LTA4H: variants seen among roughly 807,000 people sequenced by gnomAD.
LTA4H encodes the protein leukotriene A-4 hydrolase.
In LTA4H, 59 loss-of-function variants were observed where a neutral mutation model predicts 89.8. The ratio of observed to expected loss-of-function variants is 0.66; its 90% CI spans 0.53 to 0.82. LTA4H has a LOEUF of 0.82. LTA4H is among the 40% of genes least tolerant of loss of function. LTA4H has a pLI of 0.00. For synonymous variants in LTA4H, 227 were observed against 253.1 expected (o/e 0.90, Z 0.98); for missense variants, 617 against 727.0 (o/e 0.85, Z 1.74).
intron 15 of LTA4H, 142 bp from the exon 16 acceptor site, chr12:96,006,551 C>A: frequency 1.9e-6 from 1 of 525,122 alleles, no homozygotes; most frequent in Non-Finnish European, 3.4e-6. Flanking sequence ...GCCTGAGTTA[C>A]TTAAATAATC....
At chr12:96,026,758 T>A (rs912932790) in intron 3 of LTA4H, among the ~76,000 whole-genome samples, 1 of 152,106 alleles carries the variant, frequency 6.6e-6, no homozygotes, top group African/African-American at 2.4e-5. Context: ...GAGCAAACGT[T>A]TAATGAAGTC....
At chr12:96,041,986 CT>C (rs145401712) in intron 1 of LTA4H, among the ~76,000 whole-genome samples, 3,524 of 109,870 alleles carry the variant, frequency 0.032, 94 homozygotes, top group African/African-American at 0.11. Context: ...GTTTTTTTTT[CT>C]TTTTTTTTTT....
intron 5 of LTA4H, among the ~76,000 whole-genome samples, chr12:96,021,488 CT>C (rs1344831164): frequency 6.6e-6 from 1 of 152,096 alleles, no homozygotes; most frequent in Non-Finnish European, 1.5e-5. Context: ...CTTTTTCCTC[CT>C]GACTTTTAAA....
intron 18 of LTA4H, among the ~76,000 whole-genome samples, chr12:96,002,152 C>T (rs769963178): frequency 6.6e-6 from 1 of 152,136 alleles, no homozygotes; most frequent in Non-Finnish European, 1.5e-5. Flanking sequence ...CCACCGCGCC[C>T]GGCCCAAGTA....
chr12:96,027,528 G>A lies in LTA4H; in HGVS notation c.327C>T (p.Thr109=), dbSNP rs757233463. The change falls in exon 3 of 19, where the codon ACC becomes ACT. Residue 109 remains threonine, a synonymous_variant. Coordinates refer to ENST00000228740, the MANE Select transcript of LTA4H (RefSeq NM_000895.3). ...ACTGGAGAGCAGAAGATTTTGGAGA[G>A]GTCTCAAAAGAAATTTCTATAACAA... The part of the protein sequence containing the change: ...QEIVIEISFE[T]SPKSSALQWL... The A allele has an allele frequency of 5.6e-6, 9 of 1,599,666 alleles. No individual in the cohort carries two copies. The highest frequency in any genetic ancestry group is 7.7e-6 in the Non-Finnish European group (9 of 1,168,296).
intron 1 of LTA4H, among the ~76,000 whole-genome samples, chr12:96,029,912 G>C (rs919079243): frequency 3.3e-5 from 5 of 152,056 alleles, no homozygotes; most frequent in African/African-American, 9.7e-5. Context: ...AATTCTACTT[G>C]ATGGATCTAC....
chr12:96,036,116 T>A (rs931784824), upstream of LTA4H, among the ~76,000 whole-genome samples: 1 of 151,800 alleles, frequency 6.6e-6, no homozygotes, highest in Non-Finnish European at 1.5e-5. Context: ...TTTTTGTTTT[T>A]AGCTGTAAGT....
chr12:96,016,695 G>A (rs977997741), intron 10 of LTA4H, among the ~76,000 whole-genome samples: 5 of 151,890 alleles, frequency 3.3e-5, no homozygotes, highest in African/African-American at 1.2e-4. Context: ...GAGCTCAGGA[G>A]TTCGAGACCA....
rs1356651232 is a variant in LTA4H, at chr12:96,003,860, T to A, written c.1591A>T (p.Asn531Tyr). Residue 531 changes from asparagine to tyrosine, a missense_variant, in exon 17 of 19, where the codon AAC becomes TAC. By Grantham distance (143) the Asn-to-Tyr change is moderately radical. Around this residue, in one of 3 missense-constraint regions of LTA4H, gnomAD observed 290 missense variants for 339.1 expected, o/e 0.86. Coordinates refer to ENST00000228740, the MANE Select transcript of LTA4H (RefSeq NM_000895.3). ...MQEVYNFNAINNSEIRFRWLR... is the reference protein window; with the variant it reads ...MQEVYNFNAIYNSEIRFRWLR... ...TACCTGAATCGTATTTCAGAATTGT[T>A]AATGGCATTGAAGTTGTACACCTCT... 6.2e-7 allele frequency: 1 copy of A among 1,609,994 alleles called. No homozygotes were observed.
chr12:96,035,818 C>T (rs1269458410), upstream of LTA4H, among the ~76,000 whole-genome samples: 1 of 151,688 alleles, frequency 6.6e-6, no homozygotes, highest in Non-Finnish European at 1.5e-5. Flanking sequence ...GGAGTAGGGG[C>T]AGTTAGAAGG....
intron 18 of LTA4H, 55 bp downstream of exon 18, chr12:96,002,905 A>G: frequency 8.7e-7 from 1 of 1,150,186 alleles, no homozygotes; most frequent in East Asian, 2.5e-5. Flanking sequence ...AATATTTGAC[A>G]GTTTTCTTCC....
chr12:96,032,596 T>C (rs1950587696), intron 1 of LTA4H, among the ~76,000 whole-genome samples: 1 of 152,198 alleles, frequency 6.6e-6, no homozygotes, highest in Admixed American at 6.5e-5. Context: ...AATTAACTAA[T>C]TAATAAGGAT....
intron 15 of LTA4H, among the ~76,000 whole-genome samples, chr12:96,007,118 A>C (rs538439411): frequency 6.6e-6 from 1 of 152,340 alleles, no homozygotes; most frequent in African/African-American, 2.4e-5. Flanking sequence ...CCCTGTCTCC[A>C]AGTACTACTC....
In LTA4H at chr12:96,002,385, A is replaced by C. The variant is rs1218629812; in HGVS notation, c.1718+575T>G. On this transcript the variant is annotated intron_variant, in intron 18 of 18. Coordinates refer to ENST00000228740, the MANE Select transcript of LTA4H (RefSeq NM_000895.3). ...GCACCCACCTAAATACTTGTGAAGT[A>C]AATGAAAAGCAAACAAAAGTAATCA... 5.9e-5 allele frequency among the ~76,000 whole-genome samples: 9 copies of C among 152,356 alleles called. No individual in the cohort carries two copies. The South Asian group carries it at 1.7e-3, about 28-fold the overall frequency.
chr12:96,024,330 C>T (rs188942687), intron 4 of LTA4H, 149 bp downstream of exon 4: 2 of 503,308 alleles, frequency 4.0e-6, no homozygotes, highest in Admixed American at 3.4e-5. Flanking sequence ...GAATGAGTGC[C>T]ACAGCCTCTT....
chr12:96,005,138 T>C (rs771932378), intron 16 of LTA4H, among the ~76,000 whole-genome samples: 2 of 152,204 alleles, frequency 1.3e-5, no homozygotes, highest in Non-Finnish European at 1.5e-5. Context: ...CAGCAACTCC[T>C]TTCGGTTTCA....
In LTA4H at chr12:96,017,083, G is replaced by A. The variant is rs1463635950; in HGVS notation, c.908C>T (p.Thr303Ile). The A allele has an allele frequency of 6.2e-7, 1 of 1,611,834 alleles. No individual in the cohort carries two copies. The highest frequency in any genetic ancestry group is 8.5e-7 in the Non-Finnish European group (1 of 1,178,202). The change falls in exon 10 of 19, where the codon ACA becomes ATA. Residue 303 changes from threonine (T) to isoleucine (I), a missense_variant. Around this residue, in one of 3 missense-constraint regions of LTA4H, gnomAD observed 172 missense variants for 244.5 expected, o/e 0.70. Transcript: ENST00000228740. ...AGTTTTGTTGGTCACTAGATTCCCTGTCCAGCTATGAGATATTTCATGTGC... is the reference window on the plus strand; with the variant it reads ...AGTTTTGTTGGTCACTAGATTCCCTATCCAGCTATGAGATATTTCATGTGC... ...VIAHEISHSW[T>I]GNLVTNKTWD...
At chr12:96,017,826 G>C (rs1361436225) in intron 8 of LTA4H, among the ~76,000 whole-genome samples, 1 of 152,140 alleles carries the variant, frequency 6.6e-6, no homozygotes, top group East Asian at 1.9e-4. Context: ...CAGTCTATTT[G>C]TGTCTAACTT....
chr12:96,037,724 C>T (rs540995484), upstream of LTA4H, among the ~76,000 whole-genome samples: 3 of 136,584 alleles, frequency 2.2e-5, no homozygotes, highest in African/African-American at 5.5e-5. Context: ...GACGGAGTCT[C>T]GCTCTGTCGC....
Sources: gnomAD v4.1 joint callset for allele counts (sites outside exome capture counted in the v4.1 genomes callset) on GRCh38, gnomAD v4.1.1 for gene constraint, gnomAD v4.1.1 regional missense constraint, MANE v1.5 for transcripts, NCBI Gene and HGNC (gene_info 2026-07-23, HGNC 2026-07-21) for gene names.